The following IRS1 variants were observed in gnomAD, a reference collection of about 807,000 sequenced individuals.
The protein encoded by IRS1 is insulin receptor substrate 1.
Under a neutral mutation model 65.6 loss-of-function variants are expected in IRS1, and 34 were observed. The observed-to-expected ratio is 0.52, with a 90% CI of 0.39 to 0.69. The LOEUF (loss-of-function observed/expected upper bound fraction) is 0.69. Among genes scored for constraint, IRS1 ranks in the 30% least tolerant of loss-of-function variants. The pLI is 0.00. For synonymous variants in IRS1, 699 were observed against 683.5 expected (o/e 1.02, Z -0.35); for missense variants, 1,641 against 1,720.2 (o/e 0.95, Z 0.81).
intron 1 of IRS1, among the ~76,000 whole-genome samples, chr2:226,765,228 T>G (rs1036216320): frequency 6.6e-6 from 1 of 152,216 alleles, no homozygotes; most frequent in Non-Finnish European, 1.5e-5. Context: ...TGTGCCACTA[T>G]GCCCAGCTCA....
chr2:226,751,076 C>A (rs1407435877), intron 1 of IRS1, among the ~76,000 whole-genome samples: 1 of 152,066 alleles, frequency 6.6e-6, no homozygotes, highest in African/African-American at 2.4e-5. Context: ...GGTGAATGGG[C>A]TTTGACTGCA....
chr2:226,787,362 G>A (rs1939506845), intron 1 of IRS1, among the ~76,000 whole-genome samples: 1 of 152,092 alleles, frequency 6.6e-6, no homozygotes, highest in Non-Finnish European at 1.5e-5. Context: ...AGCTAGATGG[G>A]CACTTTTGCC....
chr2:226,762,415 C>T (rs1938935408), intron 1 of IRS1, among the ~76,000 whole-genome samples: 3 of 150,968 alleles, frequency 2.0e-5, no homozygotes, highest in Admixed American at 2.0e-4. Context: ...CTTTACCTAC[C>T]ACAGGTAACA....
At chr2:226,785,379 G>A (rs1939466313) in intron 1 of IRS1, among the ~76,000 whole-genome samples, 1 of 152,094 alleles carries the variant, frequency 6.6e-6, no homozygotes, top group South Asian at 2.1e-4. Context: ...GAGGCGGGTG[G>A]ATCACTTGAG....
At chr2:226,766,846 G>A (rs1048744157) in intron 1 of IRS1, among the ~76,000 whole-genome samples, 2 of 152,038 alleles carry the variant, frequency 1.3e-5, no homozygotes, top group African/African-American at 4.8e-5. Context: ...GGTAGGATTC[G>A]GTTTCATCAA....
rs768810160 is a variant in IRS1, at chr2:226,795,768, T to A, written c.2971A>T (p.Thr991Ser). The A allele has an allele frequency of 6.2e-7, 1 of 1,613,312 alleles. No homozygotes were observed. The stretch of plus-strand genomic sequence containing the variant: ...TGACGGGGACAACTCATCTGCATGG[T>A]CATGTAGTCACCCCGGCTGCTGGGC... ...AVPSSRGDYMTMQMSCPRQSY... is the reference protein window; with the variant it reads ...AVPSSRGDYMSMQMSCPRQSY... The change falls in exon 1 of 2, where the codon ACC becomes TCC. Residue 991 changes from threonine (T) to serine (S), a missense_variant. Transcript: ENST00000305123.
rs887876961 is a variant in IRS1, at chr2:226,798,534, A to C, written c.205T>G (p.Cys69Gly). 1.2e-6 allele frequency: 2 copies of C among 1,614,054 alleles called. No homozygotes were observed. Among genetic ancestry groups the C allele is most frequent in the Non-Finnish European group, 1.7e-6 (2 of 1,180,022 alleles). ...APKRSIPLESCFNINKRADSK... is the reference protein window; with the variant it reads ...APKRSIPLESGFNINKRADSK... ...TCAGCCCGCTTGTTGATGTTGAAGCAGCTCTCAAGGGGGATCGAGCGTTTG... is the reference window on the plus strand; with the variant it reads ...TCAGCCCGCTTGTTGATGTTGAAGCCGCTCTCAAGGGGGATCGAGCGTTTG... Residue 69 changes from cysteine (C) to glycine (G), a missense_variant, in exon 1 of 2, where the codon TGC (cysteine) becomes GGC (glycine). Physicochemically the swap from Cys to Gly is radical, Grantham distance 159. This residue lies in a region of IRS1 where 240 missense variants were observed against 229.6 expected (regional missense o/e 1.05). Coordinates refer to ENST00000305123, the MANE Select transcript of IRS1 (RefSeq NM_005544.3). The surrounding 1 kb of genome is among the most constrained non-coding windows in gnomAD (Gnocchi z 9.4).
At chr2:226,764,881 A>G (rs1939001359) in intron 1 of IRS1, among the ~76,000 whole-genome samples, 1 of 152,220 alleles carries the variant, frequency 6.6e-6, no homozygotes, top group African/African-American at 2.4e-5. Context: ...CTACTCCTTA[A>G]AGACAACAGT....
Position 226,799,816 on chromosome 2 carries a change from C to G in IRS1, c.-1078G>C. 1.0e-6 allele frequency: 1 copy of G among 987,600 alleles called. No homozygotes were observed. The highest frequency in any genetic ancestry group is 1.2e-6 in the Non-Finnish European group (1 of 829,750). The allele number at this position is 987,600 out of a possible 1,614,324, so 61.2% of individuals were successfully genotyped here. A position where few individuals can be genotyped will look rare whatever the true frequency, so the allele number is the denominator to read the frequency against. ...GCCTCCGCGCTCGGCAGCCGGGCAG[C>G]CGCCGCCGGGAGGCTCCCGCCCGGG... On this transcript the variant is annotated 5_prime_UTR_variant, in exon 1 of 2. Transcript: ENST00000305123. The surrounding 1 kb of genome is among the most constrained non-coding windows in gnomAD (Gnocchi z 6.1).
intron 1 of IRS1, among the ~76,000 whole-genome samples, chr2:226,763,828 C>G (rs1415579019): frequency 6.6e-6 from 1 of 152,036 alleles, no homozygotes; most frequent in Non-Finnish European, 1.5e-5. Flanking sequence ...ACTTTTGAAT[C>G]AAATTTCTTT....
chr2:226,777,527 C>T (rs185296104), intron 1 of IRS1, among the ~76,000 whole-genome samples: 2 of 152,194 alleles, frequency 1.3e-5, no homozygotes, highest in East Asian at 1.9e-4. Context: ...AGAGGAAACT[C>T]GCTGATATGG....
intron 1 of IRS1, among the ~76,000 whole-genome samples, chr2:226,750,519 C>T (rs1222097804): frequency 1.3e-5 from 2 of 151,956 alleles, no homozygotes; most frequent in Admixed American, 1.3e-4. Context: ...AAACATACAG[C>T]AGTAAAAAAG....
chr2:226,786,212 G>A (rs201209127), intron 1 of IRS1, among the ~76,000 whole-genome samples: 13,612 of 147,344 alleles, frequency 0.092, 829 homozygotes, highest in South Asian at 0.2. Flanking sequence ...ATACGTGTGC[G>A]TGTGTCTTTA....
chr2:226,750,269 A>T lies in IRS1; in HGVS notation c.*22-14019T>A, dbSNP rs77038228. Among the ~76,000 whole-genome samples the T allele has an allele frequency of 1.2e-4, 18 of 150,394 alleles. 1 individual carries two copies. Among genetic ancestry groups the T allele is most frequent in the Admixed American group, 5.4e-4 (8 of 14,870 alleles). On this transcript the variant is annotated intron_variant, in intron 1 of 1. Coordinates refer to ENST00000305123, the MANE Select transcript of IRS1 (RefSeq NM_005544.3). The stretch of plus-strand genomic sequence containing the variant: ...TGTCTCAAAAAAAAAAAAAAAAAAA[A>T]AGAATCATTAAATGTGTTGTCTGAG...
At chr2:226,789,843 G>A (rs1939554891) in intron 1 of IRS1, among the ~76,000 whole-genome samples, 1 of 152,196 alleles carries the variant, frequency 6.6e-6, no homozygotes, top group Non-Finnish European at 1.5e-5. Flanking sequence ...CAAAAACTTA[G>A]GCTGGTCGAT....
intron 1 of IRS1, among the ~76,000 whole-genome samples, chr2:226,761,534 T>A (rs1938914331): frequency 6.6e-6 from 1 of 152,194 alleles, no homozygotes; most frequent in Admixed American, 6.5e-5. Flanking sequence ...TGTTTCTTTC[T>A]GGCCCCCTTC....
At chr2:226,743,761 G>T (rs1938486816) in intron 1 of IRS1, among the ~76,000 whole-genome samples, 1 of 152,092 alleles carries the variant, frequency 6.6e-6, no homozygotes, top group Non-Finnish European at 1.5e-5. Flanking sequence ...TGTTTGTAAT[G>T]GTCAGATTAC....
In IRS1 at chr2:226,777,700, G is replaced by A. The variant is rs527786646; in HGVS notation, c.*21+17289C>T. ...CATGTGATCTGATAGTTTTAAAAAC[G>A]GGGGTTTCTCTGCACAAGCTCTCTT... On this transcript the variant is annotated intron_variant, in intron 1 of 1. Coordinates refer to ENST00000305123, the MANE Select transcript of IRS1 (RefSeq NM_005544.3). Among the ~76,000 whole-genome samples the A allele has an allele frequency of 3.4e-4, 51 of 152,232 alleles. No homozygotes were observed. In the South Asian group the frequency reaches 5.8e-3, roughly 17 times the overall value.
At position 226,732,487 on chromosome 2, in the gene IRS1, T is replaced by TACAC. The variant is rs1414382318; in HGVS notation, c.*3784_*3785insGTGT. 1 of 148,696 alleles carries TACAC rather than the reference T, an allele frequency of 6.7e-6. No individual in the cohort carries two copies. The allele number at this position is 148,696 out of a possible 1,614,324, so 9.2% of individuals were successfully genotyped here. A position where few individuals can be genotyped will look rare whatever the true frequency, so the allele number is the denominator to read the frequency against. On this transcript the variant is annotated 3_prime_UTR_variant, in exon 2 of 2. Transcript: ENST00000305123. ...ATACATCTATATATATATATATATA[T>TACAC]ATATACACACACACACATATGTGTA...
Sources: allele counts gnomAD v4.1 joint callset (sites outside exome capture counted in the v4.1 genomes callset), GRCh38; gene constraint gnomAD v4.1.1; regional missense constraint gnomAD v4.1.1; non-coding constraint Gnocchi (gnomAD v3.1); transcripts MANE v1.5; gene names NCBI Gene and HGNC (gene_info 2026-07-23, HGNC 2026-07-21).